SLC2A11: variants seen among roughly 807,000 people sequenced by gnomAD.
The protein encoded by SLC2A11 is solute carrier family 2 member 11, also known as solute carrier family 2, facilitated glucose transporter member 11.
A neutral mutation model predicts 52.1 loss-of-function variants in SLC2A11; 43 were observed. The observed-to-expected ratio is 0.82, with a 90% CI of 0.65 to 1.06. The LOEUF is 1.06. Among genes scored for constraint, SLC2A11 ranks in the 50% least tolerant of loss-of-function variants. The probability of loss-of-function intolerance (pLI) is 0.00; values close to 1 mark genes in which losing one functional copy is unlikely to be tolerated. For synonymous variants in SLC2A11, 261 were observed against 277.6 expected (o/e 0.94, Z 0.59); for missense variants, 582 against 654.2 (o/e 0.89, Z 1.20).
At chr22:23,871,915 C>T (rs1313638290) in intron 3 of SLC2A11, 1 of 152,228 alleles carries the variant, frequency 6.6e-6, no homozygotes, top group Non-Finnish European at 1.5e-5. Context: ...GCAGGGGACA[C>T]TCAACCTTAG....
At chr22:23,872,188 AG>A (rs1452380291) in intron 3 of SLC2A11, 1 of 152,152 alleles carries the variant, frequency 6.6e-6, no homozygotes, top group Non-Finnish European at 1.5e-5. Flanking sequence ...AACAAAAAAT[AG>A]AAAAAATTAG....
In SLC2A11 at chr22:23,882,760, T is replaced by TG; in HGVS notation, c.885dup (p.Tyr296ValfsTer36). The TG allele has an allele frequency of 6.2e-7, 1 of 1,611,544 alleles. No individual in the cohort carries two copies. Among genetic ancestry groups the TG allele is most frequent in the Non-Finnish European group, 8.5e-7 (1 of 1,178,848 alleles). On this transcript the variant is annotated frameshift_variant and splice_region_variant, in exon 8 of 12. Transcript: ENST00000316185. LOFTEE classifies it high-confidence loss of function. The stretch of plus-strand genomic sequence containing the variant: ...GGCCTGAAAGCCACCCTCTCCCAGG[T>TG]GTACGCCTACGCCTCCTCCGTGTTC...
At chr22:23,868,748 G>C (rs2032355422) in intron 3 of SLC2A11, 107 bp downstream of exon 3, 4 of 1,347,038 alleles carry the variant, frequency 3.0e-6, no homozygotes, top group Non-Finnish European at 4.1e-6. Context: ...TCCAGGCCCA[G>C]ATCAGCTCCT....
At chr22:23,876,707 C>G (rs949914849) in intron 4 of SLC2A11, among the ~76,000 whole-genome samples, 1 of 152,268 alleles carries the variant, frequency 6.6e-6, no homozygotes, top group South Asian at 2.1e-4. Flanking sequence ...CTCCCACCCC[C>G]CCGCACAGCC....
intron 8 of SLC2A11, 132 bp downstream of exon 8, chr22:23,883,001 C>T (rs1360530617): frequency 1.2e-6 from 1 of 867,004 alleles, no homozygotes; most frequent in South Asian, 1.4e-5. Context: ...TGGCTCATGC[C>T]TGTAAGCCCA....
At chr22:23,862,975 C>T (rs1165925086) in intron 2 of SLC2A11, among the ~76,000 whole-genome samples, 2 of 152,138 alleles carry the variant, frequency 1.3e-5, no homozygotes, top group Admixed American at 6.6e-5. Flanking sequence ...CCGTGTTCAG[C>T]GGTGAAGCCT....
chr22:23,875,230 G>T lies in SLC2A11; in HGVS notation c.404G>T (p.Gly135Val). The T allele has an allele frequency of 6.7e-7, 1 of 1,491,554 alleles. No individual in the cohort carries two copies. The highest frequency in any genetic ancestry group is 9.0e-7 in the Non-Finnish European group (1 of 1,109,492). The allele number at this position is 1,491,554 out of a possible 1,614,324, so 92.4% of individuals were successfully genotyped here. ...ATCATGCTGGGAAGACTGCTCGTGG[G>T]AGTCAATGCAGGTATGGGGTGGGGG... ...EMIMLGRLLV[G>V]VNAGVSMNIQ... Residue 135 changes from glycine to valine, a missense_variant, in exon 4 of 12, where the codon GGA becomes GTA. Physicochemically the swap from Gly to Val is moderately radical, Grantham distance 109. Transcript: ENST00000316185.
At chr22:23,857,304 A>C (rs2031869213), upstream of SLC2A11, 6 of 974,972 alleles carry the variant, frequency 6.2e-6, no homozygotes, top group Non-Finnish European at 9.4e-6. Context: ...CCAGAGCCGG[A>C]ATTTCGGGGG....
chr22:23,864,190 A>G (rs151253102), intron 2 of SLC2A11, among the ~76,000 whole-genome samples: 1 of 152,218 alleles, frequency 6.6e-6, no homozygotes, highest in South Asian at 2.1e-4. Context: ...CCATCGAGAG[A>G]ACTTCCTCCA....
At chr22:23,868,367 T>A (rs953271742) in intron 2 of SLC2A11, 114 bp from the exon 3 acceptor site, 1 of 1,311,368 alleles carries the variant, frequency 7.6e-7, no homozygotes, top group East Asian at 2.3e-5. Context: ...ACACGGTGCC[T>A]GTTGTCATTG....
intron 2 of SLC2A11, chr22:23,862,430 C>T (rs2032103944): frequency 1.9e-6 from 1 of 513,102 alleles, no homozygotes. Context: ...CCATCTTCCA[C>T]CTAGTGATGG....
chr22:23,884,544 G>C lies in SLC2A11; in HGVS notation c.1300-105G>C. ...CTGAGACTGAAAGGGAGGGGTCTTA[G>C]GGGAGCAAAGAGGGGGGCAAATGCC... On this transcript the variant is annotated intron_variant, in intron 11 of 11. Transcript: ENST00000316185. This position sits in a 1 kb window ranked among gnomAD's most constrained non-coding sequence, Gnocchi z 4.3. 6.5e-7 allele frequency: 1 copy of C among 1,549,158 alleles called. No homozygotes were observed. Among genetic ancestry groups the C allele is most frequent in the Non-Finnish European group, 8.7e-7 (1 of 1,146,442 alleles).
At position 23,875,649 on chromosome 22, in the gene SLC2A11, A is replaced by G. The variant is rs2032592849; in HGVS notation, c.415+408A>G. On this transcript the variant is annotated intron_variant, in intron 4 of 11. Transcript: ENST00000316185. The stretch of plus-strand genomic sequence containing the variant: ...ATTTCTGGGGCTTTTCATGTGAGAG[A>G]GCAGAATTTTGAGCACATCCACCTG... Among the ~76,000 whole-genome samples, 3 of 152,170 alleles carry G rather than the reference A, an allele frequency of 2.0e-5. No homozygotes were observed. In the South Asian group the frequency reaches 6.2e-4, roughly 32 times the overall value.
rs1032077939 is a variant in SLC2A11 at position 23,858,298 on chromosome 22, C to G, written c.30+269C>G. 21 of 614,466 alleles carry G rather than the reference C, an allele frequency of 3.4e-5. No individual in the cohort carries two copies. In the African/African-American group the frequency reaches 3.7e-4, roughly 11 times the overall value. 38.1% of individuals were successfully genotyped at this position (614,466 alleles called of 1,614,324 possible). On this transcript the variant is annotated intron_variant, in intron 1 of 11. Transcript: ENST00000316185. The stretch of plus-strand genomic sequence containing the variant: ...ATGCTAAATCCTCTGCCGATCAGCC[C>G]TGACCTCAGAGGCAGTAAGCCCTCC...
At chr22:23,868,700 G>A in intron 3 of SLC2A11, 59 bp downstream of exon 3, 2 of 1,590,026 alleles carry the variant, frequency 1.3e-6, no homozygotes, top group Non-Finnish European at 1.7e-6. Flanking sequence ...GCAGCCTGCA[G>A]GCTGAGGAAT....
At chr22:23,859,031 T>C (rs913085642) in intron 1 of SLC2A11, among the ~76,000 whole-genome samples, 7 of 152,232 alleles carry the variant, frequency 4.6e-5, no homozygotes, top group Non-Finnish European at 7.3e-5. Context: ...ATAGGCAATC[T>C]CCATGCATGA....
Position 23,868,461 on chromosome 22 carries a change from A to T in SLC2A11, c.130-20A>T, listed in dbSNP as rs937442674. ...CCACGCCACCATCCCCAGAAGGCTG[A>T]CTGGCATTTCTGTCCACAGCACATT... On this transcript the variant is annotated intron_variant, in intron 2 of 11. Transcript: ENST00000316185. 2 of 1,613,364 alleles carry T rather than the reference A, an allele frequency of 1.2e-6. No homozygotes were observed. Among genetic ancestry groups the T allele is most frequent in the Non-Finnish European group, 1.7e-6 (2 of 1,179,460 alleles).
At position 23,884,851 on chromosome 22, in the gene SLC2A11, C is replaced by A. The variant is rs748877948; in HGVS notation, c.*2C>A. ...GTTATCCAGTCAACAGAACTCTAGT[C>A]CCAAAGGGGTGGCCAGAGCCAAAGC... On this transcript the variant is annotated 3_prime_UTR_variant, in exon 12 of 12. Coordinates refer to ENST00000316185, the MANE Select transcript of SLC2A11 (RefSeq NM_001024939.4). The surrounding 1 kb of genome is among the most constrained non-coding windows in gnomAD (Gnocchi z 4.3). The A allele has an allele frequency of 5.0e-6, 8 of 1,613,748 alleles. No homozygotes were observed. The South Asian group carries it at 8.8e-5, about 18-fold the overall frequency.
intron 6 of SLC2A11, 174 bp from the exon 7 acceptor site, chr22:23,882,283 CAG>C (rs200780229): frequency 4.3e-4 from 263 of 612,042 alleles, no homozygotes; most frequent in African/African-American, 3.7e-3. Flanking sequence ...CACACAGAGA[CAG>C]AGAGATTGAG....
Sources: gnomAD v4.1 joint callset for allele counts (sites outside exome capture counted in the v4.1 genomes callset) on GRCh38, gnomAD v4.1.1 for gene constraint, Gnocchi (gnomAD v3.1) non-coding constraint, MANE v1.5 for transcripts, NCBI Gene and HGNC (gene_info 2026-07-23, HGNC 2026-07-21) for gene names.